The following MORN1 variants were observed in gnomAD, a reference collection of about 807,000 sequenced individuals.
MORN1 encodes the protein MORN repeat-containing protein 1.
In MORN1, 67 loss-of-function variants were observed where a neutral mutation model predicts 61.9. That is an observed-to-expected ratio of 1.08 (90% confidence interval 0.89 to 1.33). MORN1 has a LOEUF of 1.33. Ranked by LOEUF, MORN1 falls within the 40% of genes most tolerant of loss-of-function variation. MORN1 has a pLI of 0.00. For synonymous variants in MORN1, 301 were observed against 292.0 expected (o/e 1.03, Z -0.31); for missense variants, 752 against 691.2 (o/e 1.09, Z -0.99).
rs1373158492 is a variant in MORN1, at chr1:2,334,138, G to A, written c.1250+2331C>T. Among the ~76,000 whole-genome samples, 1 of 152,078 alleles carries A rather than the reference G, an allele frequency of 6.6e-6. No homozygotes were observed. The highest frequency in any genetic ancestry group is 1.5e-5 in the Non-Finnish European group (1 of 68,014). On this transcript the variant is annotated intron_variant, in intron 12 of 13. Coordinates refer to ENST00000378531, the MANE Select transcript of MORN1 (RefSeq NM_024848.3). The surrounding 1 kb of genome is among the most constrained non-coding windows in gnomAD (Gnocchi z 5.4). ...GGCCATCACACAAACACCCAGATGGGTTGTGGGGGGTTTTGGCGGGGACAG... is the reference window on the plus strand; with the variant it reads ...GGCCATCACACAAACACCCAGATGGATTGTGGGGGGTTTTGGCGGGGACAG...
intron 8 of MORN1, among the ~76,000 whole-genome samples, chr1:2,359,757 T>C (rs1440062494): frequency 1.3e-5 from 2 of 151,952 alleles, no homozygotes; most frequent in Non-Finnish European, 2.9e-5. Context: ...TGGCAGCACC[T>C]GCAATCATCC....
At position 2,355,412 on chromosome 1, in the gene MORN1, C is replaced by T. The variant is rs72920976; in HGVS notation, c.1036+2020G>A. Reference sequence around the variant, plus strand: ...AATGACGCCTGCGCTTGCTGGTCCTCTCACAGCTGTTGTCTGGAAGGAGAC... The same window carrying T: ...AATGACGCCTGCGCTTGCTGGTCCTTTCACAGCTGTTGTCTGGAAGGAGAC... On this transcript the variant is annotated intron_variant, in intron 10 of 13. Coordinates refer to ENST00000378531, the MANE Select transcript of MORN1 (RefSeq NM_024848.3). 1.0e-3 allele frequency: 1,546 copies of T among 1,550,280 alleles called. 17 individuals are homozygous for T. In the African/African-American group the frequency reaches 0.018, roughly 18 times the overall value.
intron 8 of MORN1, 134 bp from the exon 9 acceptor site, chr1:2,358,849 T>TGGGATGAGGACCCCGGC (rs1641832956): frequency 1.8e-6 from 2 of 1,122,818 alleles, no homozygotes; most frequent in African/African-American, 3.1e-5. Context: ...GTGACCCTGG[T>TGGGATGAGGACCCCGGC]GGGCTGAGGA....
chr1:2,387,632 C>T (rs778196677), intron 3 of MORN1, 103 bp from the exon 4 acceptor site: 3 of 787,954 alleles, frequency 3.8e-6, no homozygotes, highest in Non-Finnish European at 6.6e-6. Flanking sequence ...GGAACCATTC[C>T]AGAATGGACG....
chr1:2,332,323 C>T (rs1641175629), intron 12 of MORN1: 3 of 310,184 alleles, frequency 9.7e-6, no homozygotes, highest in South Asian at 8.3e-5. Context: ...CCCCTAGAGC[C>T]CCGGTCTCAG....
chr1:2,382,815 T>C (rs1642403026), intron 6 of MORN1, among the ~76,000 whole-genome samples: 1 of 152,178 alleles, frequency 6.6e-6, no homozygotes, highest in East Asian at 1.9e-4. Flanking sequence ...TGGGCTCCCG[T>C]GGTCCAGCAA....
At chr1:2,343,198 G>A (rs987875506) in intron 10 of MORN1, among the ~76,000 whole-genome samples, 84 of 152,170 alleles carry the variant, frequency 5.5e-4, no homozygotes, top group Admixed American at 2.0e-3. Context: ...TGATGCTGAC[G>A]TTTCTCCACT....
intron 8 of MORN1, among the ~76,000 whole-genome samples, chr1:2,360,459 G>A (rs1641870200): frequency 6.6e-6 from 1 of 152,224 alleles, no homozygotes; most frequent in South Asian, 2.1e-4. Flanking sequence ...AATTGCCCTG[G>A]CTGCTGCCTT....
rs61729821 is a variant in MORN1, at chr1:2,324,130, C to A, written c.1264G>T (p.Ala422Ser). 6.2e-7 allele frequency: 1 copy of A among 1,600,502 alleles called. No individual in the cohort carries two copies. The highest frequency in any genetic ancestry group is 2.3e-5 in the East Asian group (1 of 44,396). Residue 422 changes from alanine to serine, a missense_variant, in exon 13 of 14, where the codon GCC (alanine) becomes TCC (serine). Ala to Ser is a moderately conservative substitution (Grantham distance 99). Transcript: ENST00000378531. Reference sequence around the variant, plus strand: ...GCTGCCGCAGCCTGCTCCTCCGTGGCTCTCCCCTCAGGCCTGTGGAGACGA... The same window carrying A: ...GCTGCCGCAGCCTGCTCCTCCGTGGATCTCCCCTCAGGCCTGTGGAGACGA... The part of the protein sequence containing the change: ...PPGGSRPEGR[A>S]TEEQAAAAHL...
At chr1:2,389,825 C>G (rs1030374678) in intron 2 of MORN1, 100 bp downstream of exon 2, 2 of 1,040,924 alleles carry the variant, frequency 1.9e-6, no homozygotes, top group Non-Finnish European at 3.0e-6. Context: ...GGCTCGAAAG[C>G]TACAGGAAAT....
At chr1:2,382,186 G>A (rs1378063856) in intron 6 of MORN1, among the ~76,000 whole-genome samples, 1 of 152,182 alleles carries the variant, frequency 6.6e-6, no homozygotes, top group East Asian at 1.9e-4. Context: ...CCAGGCCGGA[G>A]GGGATGGCCC....
At chr1:2,390,409 CCT>C (rs1642620498) in intron 1 of MORN1, 1 of 984,952 alleles carries the variant, frequency 1.0e-6, no homozygotes, top group Non-Finnish European at 1.2e-6. Context: ...TCTCCCATCC[CCT>C]GCCGTGGCCC....
rs187122734 is a variant in MORN1 at position 2,374,397 on chromosome 1, C to T, written c.634+64G>A. ...GGTCAGTGTTTCCCATATGGCTGCC[C>T]GGGGGCCAGGGACACACCCCACAGT... On this transcript the variant is annotated intron_variant, in intron 7 of 13. Transcript: ENST00000378531. 1.5e-4 allele frequency: 216 copies of T among 1,444,368 alleles called. 2 individuals carry two copies. In the East Asian group the frequency reaches 3.3e-3, roughly 22 times the overall value. 89.5% of individuals were successfully genotyped at this position (1,444,368 alleles called of 1,614,324 possible).
chr1:2,336,722 G>A lies in MORN1; in HGVS notation c.1165C>T (p.His389Tyr), dbSNP rs767852222. Reference sequence around the variant, plus strand: ...CGCCCCCCGTGGGCACCCACCTTGTGGAGGCTGTCCAGGAACAGGAAGGGG... The same window carrying A: ...CGCCCCCCGTGGGCACCCACCTTGTAGAGGCTGTCCAGGAACAGGAAGGGG... ...YHPFLFLDSL[H>Y]KKAGGRSRGG... The change falls in exon 11 of 14, where the codon CAC (histidine) becomes TAC (tyrosine). Residue 389 changes from histidine (H) to tyrosine (Y), a missense_variant. Transcript: ENST00000378531. 6.4e-5 allele frequency: 100 copies of A among 1,568,118 alleles called. 1 individual carries two copies. The highest frequency in any genetic ancestry group is 3.7e-5 in the Admixed American group (2 of 54,122).
At chr1:2,346,836 G>A (rs944988499) in intron 10 of MORN1, among the ~76,000 whole-genome samples, 1 of 152,190 alleles carries the variant, frequency 6.6e-6, no homozygotes, top group Non-Finnish European at 1.5e-5. Flanking sequence ...GGTCACCCCT[G>A]CTGGGGTCTG....
intron 7 of MORN1, among the ~76,000 whole-genome samples, chr1:2,373,439 A>C (rs1424011342): frequency 1.3e-5 from 2 of 152,104 alleles, no homozygotes; most frequent in Admixed American, 6.5e-5. Context: ...TGCGTCCTGC[A>C]CCTCTTGCCC....
In MORN1 at chr1:2,372,585, G is replaced by A; in HGVS notation, c.641C>T (p.Ala214Val). ...CGGACCCAAGATCACGATCCTCGTA[G>A]CTTGTTCTGGGAGAGGACAGAGTGT... ...LWINGHPAEQ[A>V]TRIVILGPEV... Residue 214 changes from alanine (A) to valine (V), a missense_variant, in exon 8 of 14, where the codon GCT becomes GTT. By Grantham distance (64) the Ala-to-Val change is moderately conservative. Coordinates refer to ENST00000378531, the MANE Select transcript of MORN1 (RefSeq NM_024848.3). The surrounding 1 kb of genome is among the most constrained non-coding windows in gnomAD (Gnocchi z 5.4). 3 of 1,612,956 alleles carry A rather than the reference G, an allele frequency of 1.9e-6. No individual in the cohort carries two copies. Among genetic ancestry groups the A allele is most frequent in the Non-Finnish European group, 2.5e-6 (3 of 1,179,460 alleles).
chr1:2,323,434 A>G, intron 13 of MORN1: 13 of 985,364 alleles, frequency 1.3e-5, no homozygotes, highest in Non-Finnish European at 1.4e-5. Flanking sequence ...GGTGACAGAG[A>G]GGCTCCATTC....
intron 8 of MORN1, among the ~76,000 whole-genome samples, chr1:2,362,223 C>A (rs1569995305): frequency 6.6e-6 from 1 of 152,106 alleles, no homozygotes; most frequent in South Asian, 2.1e-4. Context: ...CAGAGCGAGA[C>A]AACTCAAAAT....
Sources: gnomAD v4.1 joint callset for allele counts (sites outside exome capture counted in the v4.1 genomes callset) on GRCh38, gnomAD v4.1.1 for gene constraint, Gnocchi (gnomAD v3.1) non-coding constraint, MANE v1.5 for transcripts, NCBI Gene and HGNC (gene_info 2026-07-23, HGNC 2026-07-21) for gene names.